The following PIK3R1 variants were observed in gnomAD, a reference collection of about 807,000 sequenced individuals.
PIK3R1 encodes phosphoinositide-3-kinase regulatory subunit 1.
In PIK3R1, 29 loss-of-function variants were observed where a neutral mutation model predicts 98.0. That is an observed-to-expected ratio of 0.30 (90% confidence interval 0.22 to 0.40). The LOEUF (loss-of-function observed/expected upper bound fraction) is 0.40. Among genes scored for constraint, PIK3R1 ranks in the 10% least tolerant of loss-of-function variants. The pLI is 1.00. For missense variants in PIK3R1, 596 were observed against 872.7 expected, an observed-to-expected ratio of 0.68 and a Z score of 3.99; for synonymous variants, 282 against 311.8, an observed-to-expected ratio of 0.90 and a Z score of 1.01.
intron 7 of PIK3R1, among the ~76,000 whole-genome samples, chr5:68,285,588 AT>A: frequency 6.6e-6 from 1 of 152,156 alleles, no homozygotes. Context: ...AGACACAGGT[AT>A]TTTGGTATGT....
At chr5:68,293,683 C>A in intron 10 of PIK3R1, 26 bp from the exon 11 acceptor site, 1 of 1,356,562 alleles carries the variant, frequency 7.4e-7, no homozygotes, top group South Asian at 1.3e-5. Context: ...ATACCTTATC[C>A]ATTGAATTTA....
chr5:68,261,369 G>A (rs1469731154), intron 2 of PIK3R1, among the ~76,000 whole-genome samples: 1 of 152,042 alleles, frequency 6.6e-6, no homozygotes, highest in Admixed American at 6.6e-5. Context: ...CCAACATGTT[G>A]TTGGCAGAAA....
At chr5:68,273,765 A>G in intron 3 of PIK3R1, 174 bp from the exon 4 acceptor site, 1 of 654,528 alleles carries the variant, frequency 1.5e-6, no homozygotes, top group Non-Finnish European at 2.7e-6. Context: ...TGGTTTTGCC[A>G]AAATTATCAA....
chr5:68,231,103 A>C lies in PIK3R1; in HGVS notation c.334+4094A>C, dbSNP rs183761450. On this transcript the variant is annotated intron_variant, in intron 2 of 15. Coordinates refer to ENST00000521381, the MANE Select transcript of PIK3R1 (RefSeq NM_181523.3). Reference sequence around the variant, plus strand: ...GGGGATATAGGGATATGGGAATAAAAATATATTCCTCTGTCATATGTAAGC... The same window carrying C: ...GGGGATATAGGGATATGGGAATAAACATATATTCCTCTGTCATATGTAAGC... Among the ~76,000 whole-genome samples the C allele has an allele frequency of 3.4e-3, 513 of 152,308 alleles. 2 individuals are homozygous for C. The highest frequency in any genetic ancestry group is 4.9e-3 in the Non-Finnish European group (334 of 68,030).
chr5:68,272,552 A>T (rs1156909446), intron 2 of PIK3R1, among the ~76,000 whole-genome samples: 2 of 151,808 alleles, frequency 1.3e-5, no homozygotes, highest in East Asian at 1.9e-4. Context: ...GGTCTTATTT[A>T]TTTTTTTTGG....
rs562937826 is a variant in PIK3R1 at position 68,282,643 on chromosome 5, A to G, written c.916+1637A>G. The stretch of plus-strand genomic sequence containing the variant: ...AGTTTCATCCTAATTCCACCAAAGT[A>G]AAAACGGGTATCTGCACTATTTTCA... On this transcript the variant is annotated intron_variant, in intron 7 of 15. Coordinates refer to ENST00000521381, the MANE Select transcript of PIK3R1 (RefSeq NM_181523.3). Among the ~76,000 whole-genome samples the G allele has an allele frequency of 1.5e-4, 23 of 152,346 alleles. No homozygotes were observed. In the South Asian group the frequency reaches 4.8e-3, roughly 32 times the overall value.
intron 2 of PIK3R1, among the ~76,000 whole-genome samples, chr5:68,243,477 T>A (rs1580192455): frequency 6.6e-6 from 1 of 152,242 alleles, no homozygotes; most frequent in East Asian, 1.9e-4. Context: ...AGAAAATTCT[T>A]CAAGGGAAGT....
chr5:68,246,487 A>G (rs1489472384), intron 2 of PIK3R1, among the ~76,000 whole-genome samples: 1 of 151,760 alleles, frequency 6.6e-6, no homozygotes, highest in African/African-American at 2.4e-5. Context: ...TAATTTTTGT[A>G]TTTTTAGTAG....
chr5:68,265,590 G>A (rs1403447324), intron 2 of PIK3R1, among the ~76,000 whole-genome samples: 4 of 152,074 alleles, frequency 2.6e-5, no homozygotes, highest in Non-Finnish European at 5.9e-5. Flanking sequence ...CATCGTGAGA[G>A]CACTTGCCCT....
chr5:68,219,506 G>A (rs1744018521), intron 1 of PIK3R1, among the ~76,000 whole-genome samples: 1 of 152,182 alleles, frequency 6.6e-6, no homozygotes, highest in African/African-American at 2.4e-5. Flanking sequence ...TGTACCATGA[G>A]GACACAGCTA....
Position 68,300,817 on chromosome 5 carries a change from G to A in PIK3R1, c.*3216G>A. On this transcript the variant is annotated 3_prime_UTR_variant, in exon 16 of 16. Coordinates refer to ENST00000521381, the MANE Select transcript of PIK3R1 (RefSeq NM_181523.3). Reference sequence around the variant, plus strand: ...TTACAAAGGTGAAAATTGTTTGTAAGTGAAGTGAGAAGTTCATATTTCTTT... The same window carrying A: ...TTACAAAGGTGAAAATTGTTTGTAAATGAAGTGAGAAGTTCATATTTCTTT... 4.3e-6 allele frequency: 1 copy of A among 233,266 alleles called. No individual in the cohort carries two copies. Among genetic ancestry groups the A allele is most frequent in the Non-Finnish European group, 8.5e-6 (1 of 118,048 alleles). The allele number at this position is 233,266 out of a possible 1,614,324, so 14.4% of individuals were successfully genotyped here.
intron 7 of PIK3R1, chr5:68,290,796 GCA>G (rs1747346014): frequency 1.2e-6 from 2 of 1,613,224 alleles, no homozygotes; most frequent in South Asian, 2.2e-5. Flanking sequence ...ATAAATTGTG[GCA>G]CAGACTTGAT....
intron 7 of PIK3R1, chr5:68,291,125 G>A (rs1747364466): frequency 3.3e-6 from 1 of 299,806 alleles, no homozygotes; most frequent in African/African-American, 2.2e-5. Flanking sequence ...GGTGAGTTAT[G>A]TTGTGGGATA....
chr5:68,241,385 T>G (rs936875606), intron 2 of PIK3R1, among the ~76,000 whole-genome samples: 2 of 72,676 alleles, frequency 2.8e-5, no homozygotes, highest in Non-Finnish European at 5.3e-5. Context: ...TACAATTTTT[T>G]TTGTTTTTTT....
At chr5:68,296,773 TTATCCTTGAGATA>T (rs1364659488) in intron 15 of PIK3R1, among the ~76,000 whole-genome samples, 4 of 152,170 alleles carry the variant, frequency 2.6e-5, no homozygotes, top group Non-Finnish European at 4.4e-5. Flanking sequence ...ATTCTGATCA[TTATCCTTGAGATA>T]GGTACACCCA....
In PIK3R1 at chr5:68,295,182, A is replaced by G. The variant is rs745656738; in HGVS notation, c.1603A>G (p.Ile535Val). The G allele has an allele frequency of 6.2e-7, 1 of 1,614,032 alleles. No individual in the cohort carries two copies. Among genetic ancestry groups the G allele is most frequent in the Non-Finnish European group, 8.5e-7 (1 of 1,179,906 alleles). Reference protein sequence around the residue: ...MHNYDKLKSRISEIIDSRRRL... With the variant: ...MHNYDKLKSRVSEIIDSRRRL... ...TAATTATGATAAGTTGAAGTCTCGA[A>G]TCAGTGAAATTATTGACAGTAGAAG... The change falls in exon 13 of 16, where the codon ATC becomes GTC. Residue 535 changes from isoleucine to valine, a missense_variant. Transcript: ENST00000521381.
At chr5:68,272,154 G>C (rs561963653) in intron 2 of PIK3R1, among the ~76,000 whole-genome samples, 2 of 150,848 alleles carry the variant, frequency 1.3e-5, no homozygotes, top group Non-Finnish European at 2.9e-5. Context: ...TCAGGAGGCT[G>C]GGGGGGGAGG....
Position 68,298,866 on chromosome 5 carries a change from A to C in PIK3R1, c.*1265A>C. On this transcript the variant is annotated 3_prime_UTR_variant, in exon 16 of 16. Coordinates refer to ENST00000521381, the MANE Select transcript of PIK3R1 (RefSeq NM_181523.3). Reference sequence around the variant, plus strand: ...AAAGAATTGTGAACTTCTTGAATCTAGGGAGGGGGAATGTAGTGAAGGGAT... The same window carrying C: ...AAAGAATTGTGAACTTCTTGAATCTCGGGAGGGGGAATGTAGTGAAGGGAT... 1 of 198,290 alleles carries C rather than the reference A, an allele frequency of 5.0e-6. No individual in the cohort carries two copies. The highest frequency in any genetic ancestry group is 1.0e-5 in the Non-Finnish European group (1 of 99,884). 12.3% of individuals were successfully genotyped at this position (198,290 alleles called of 1,614,324 possible). A position where few individuals can be genotyped will look rare whatever the true frequency, so the allele number is the denominator to read the frequency against.
intron 4 of PIK3R1, among the ~76,000 whole-genome samples, chr5:68,276,850 A>G (rs537804412): frequency 1.3e-5 from 2 of 152,324 alleles, no homozygotes; most frequent in African/African-American, 4.8e-5. Flanking sequence ...TTCTAGTTCA[A>G]TCCACAAACA....
Sources: allele counts gnomAD v4.1 joint callset (sites outside exome capture counted in the v4.1 genomes callset), GRCh38; gene constraint gnomAD v4.1.1; transcripts MANE v1.5; gene names NCBI Gene and HGNC (gene_info 2026-07-23, HGNC 2026-07-21).